Variants in DOP1B observed in about 807,000 individuals in gnomAD.
DOP1B encodes DOP1 leucine zipper like protein B, also known as protein DOP1B.
DOP1B carries 174 observed loss-of-function variants against 233.5 expected under a neutral mutation model. That is an observed-to-expected ratio of 0.75 (90% CI 0.66 to 0.85). The LOEUF is 0.85. Among genes scored for constraint, DOP1B ranks in the 40% least tolerant of loss-of-function variants. DOP1B has a pLI of 0.00. For synonymous variants in DOP1B, 1,190 were observed against 1,185.6 expected (o/e 1.00, Z -0.08); for missense variants, 2,652 against 2,846.6 (o/e 0.93, Z 1.56).
chr21:36,225,805 C>A, intron 12 of DOP1B, 138 bp downstream of exon 12: 1 of 902,978 alleles, frequency 1.1e-6, no homozygotes. Context: ...TTTGTTTTGG[C>A]ATAAAAGATA....
At chr21:36,167,176 CTTTTCT>C (rs2065919738) in intron 2 of DOP1B, among the ~76,000 whole-genome samples, 1 of 152,066 alleles carries the variant, frequency 6.6e-6, no homozygotes, top group South Asian at 2.1e-4. Flanking sequence ...CTTTTTCTTT[CTTTTCT>C]TTTTCTTTTT....
At chr21:36,176,687 G>A (rs915091155) in intron 2 of DOP1B, among the ~76,000 whole-genome samples, 4 of 152,132 alleles carry the variant, frequency 2.6e-5, no homozygotes, top group Admixed American at 6.5e-5. Flanking sequence ...CTGGCTTCAC[G>A]TTAAACTAGA....
intron 36 of DOP1B, 116 bp from the exon 37 acceptor site, chr21:36,293,204 T>G: frequency 9.4e-7 from 1 of 1,064,282 alleles, no homozygotes; most frequent in Non-Finnish European, 1.3e-6. Flanking sequence ...AGACTCTGTC[T>G]CAAAAAAAAA....
At chr21:36,285,460 G>C (rs564917959) in intron 32 of DOP1B, among the ~76,000 whole-genome samples, 1 of 152,208 alleles carries the variant, frequency 6.6e-6, no homozygotes, top group Non-Finnish European at 1.5e-5. Context: ...CTTTTGCCCT[G>C]TTTTCATTTT....
At position 36,246,573 on chromosome 21, in the gene DOP1B, A is replaced by C. The variant is rs752886819; in HGVS notation, c.4593A>C (p.Gly1531=). The C allele has an allele frequency of 3.1e-6, 5 of 1,614,130 alleles. No individual in the cohort carries two copies. The South Asian group carries it at 3.3e-5, about 11-fold the overall frequency. ...SLVTHSLPYF[G]KSLGWTVTPF... ...TCACGCATTCCTTGCCCTACTTCGG[A>C]AAGTCCCTGGGCTGGACGGTGACAC... Residue 1531 remains glycine (G), a synonymous_variant, in exon 19 of 37, where the codon GGA becomes GGC. Transcript: ENST00000691173. The surrounding 1 kb of genome is among the most constrained non-coding windows in gnomAD (Gnocchi z 5.1).
chr21:36,243,879 C>T (rs914945927), intron 18 of DOP1B, among the ~76,000 whole-genome samples: 5 of 151,884 alleles, frequency 3.3e-5, no homozygotes, highest in Non-Finnish European at 5.9e-5. Flanking sequence ...TTCCATGTTG[C>T]CCAGGCTGGT....
chr21:36,288,936 T>C, intron 34 of DOP1B, 109 bp from the exon 35 acceptor site: 1 of 1,476,416 alleles, frequency 6.8e-7, no homozygotes, highest in Non-Finnish European at 9.2e-7. Context: ...GGACCAGCTA[T>C]TCCAAAAATT....
rs77568739 is a variant in DOP1B, at chr21:36,204,559, C to T, written c.491+4058C>T. Among the ~76,000 whole-genome samples the T allele has an allele frequency of 8.0e-3, 1,224 of 152,222 alleles. 19 individuals carry two copies. Among genetic ancestry groups the T allele is most frequent in the African/African-American group, 0.027 (1,139 of 41,550 alleles). On this transcript the variant is annotated intron_variant, in intron 4 of 36. Coordinates refer to ENST00000691173, the MANE Select transcript of DOP1B (RefSeq NM_001320714.2). The stretch of plus-strand genomic sequence containing the variant: ...AGTACAGTGGCAGGATTATAGCTCA[C>T]TGCAGTCTCAACCTCCAAGGATAAA...
chr21:36,168,959 T>G lies in DOP1B; in HGVS notation c.138+4088T>G, dbSNP rs190179698. On this transcript the variant is annotated intron_variant, in intron 2 of 36. Coordinates refer to ENST00000691173, the MANE Select transcript of DOP1B (RefSeq NM_001320714.2). ...TTGAGACCCCACCAGGTGCAAAACC[T>G]GTTCCTGGCGTTAAGCTCCTTCTTC... 3.5e-3 allele frequency: 2,400 copies of G among 691,418 alleles called. 4 individuals are homozygous for G. The highest frequency in any genetic ancestry group is 5.5e-3 in the Non-Finnish European group (2,099 of 380,564). The allele number at this position is 691,418 out of a possible 1,614,324, so 42.8% of individuals were successfully genotyped here.
intron 2 of DOP1B, among the ~76,000 whole-genome samples, chr21:36,198,195 C>T (rs181147346): frequency 4.6e-4 from 69 of 151,532 alleles, no homozygotes; most frequent in African/African-American, 1.4e-3. Context: ...TTTGGGAGGC[C>T]GAGGCGGGTG....
Position 36,245,709 on chromosome 21 carries a change from C to T in DOP1B, c.3729C>T (p.Ala1243=). 1.2e-6 allele frequency: 2 copies of T among 1,613,888 alleles called. No individual in the cohort carries two copies. The highest frequency in any genetic ancestry group is 1.7e-6 in the Non-Finnish European group (2 of 1,180,012). ...ACGACTCTCGGCGGGTCCTCTATGC[C>T]TTCTCGGTGCTGGAGGCTGTGCTCA... ...QPYDSRRVLY[A]FSVLEAVLKT... Residue 1243 remains alanine, a synonymous_variant, in exon 19 of 37, where the codon GCC becomes GCT. Coordinates refer to ENST00000691173, the MANE Select transcript of DOP1B (RefSeq NM_001320714.2). This position sits in a 1 kb window ranked among gnomAD's most constrained non-coding sequence, Gnocchi z 5.5.
chr21:36,260,938 T>C, intron 24 of DOP1B: 1 of 1,374,260 alleles, frequency 7.3e-7, no homozygotes, highest in Non-Finnish European at 9.4e-7. Flanking sequence ...CTGTGCAGCG[T>C]ACTTTGAACA....
intron 1 of DOP1B, 106 bp from the exon 2 acceptor site, chr21:36,164,602 G>A (rs770266523): frequency 1.3e-5 from 11 of 834,774 alleles, no homozygotes; most frequent in Non-Finnish European, 1.9e-5. Flanking sequence ...CAGTGAGTTT[G>A]TGCACAGTTG....
intron 18 of DOP1B, among the ~76,000 whole-genome samples, chr21:36,242,945 C>G (rs1397179189): frequency 6.6e-6 from 1 of 150,866 alleles, no homozygotes; most frequent in Non-Finnish European, 1.5e-5. Flanking sequence ...TTTGATCATC[C>G]TAAAAACCTT....
In DOP1B at chr21:36,200,380, G is replaced by C. The variant is rs776751796; in HGVS notation, c.370G>C (p.Val124Leu). The change falls in exon 4 of 37, where the codon GTG (valine) becomes CTG (leucine). Residue 124 changes from valine to leucine, a missense_variant. Around this residue, in one of 3 missense-constraint regions of DOP1B, gnomAD observed 2,617 missense variants for 2,794.3 expected, o/e 0.94. Coordinates refer to ENST00000691173, the MANE Select transcript of DOP1B (RefSeq NM_001320714.2). ...LAHAAVSVRP[V>L]LLTLYEKYFL... ...ACACGCGGCGGTGTCGGTGAGGCCG[G>C]TGCTGCTCACCCTGTACGAGAAGTA... The C allele has an allele frequency of 1.7e-5, 28 of 1,613,190 alleles. No homozygotes were observed. Among genetic ancestry groups the C allele is most frequent in the Non-Finnish European group, 2.2e-5 (26 of 1,179,860 alleles).
chr21:36,245,695 C>A lies in DOP1B; in HGVS notation c.3715C>A (p.Arg1239=), dbSNP rs368837948. The A allele has an allele frequency of 6.2e-7, 1 of 1,613,734 alleles. No individual in the cohort carries two copies. The highest frequency in any genetic ancestry group is 1.7e-5 in the Admixed American group (1 of 60,014). Residue 1239 remains arginine, a synonymous_variant, in exon 19 of 37, where the codon CGG becomes AGG. Coordinates refer to ENST00000691173, the MANE Select transcript of DOP1B (RefSeq NM_001320714.2). This position sits in a 1 kb window ranked among gnomAD's most constrained non-coding sequence, Gnocchi z 5.5. ...LLYLQPYDSR[R]VLYAFSVLEA... is the part of the protein sequence containing the mutation. ...CTACCTGCAGCCCTACGACTCTCGG[C>A]GGGTCCTCTATGCCTTCTCGGTGCT...
At chr21:36,214,058 G>A (rs1162436130) in intron 7 of DOP1B, 23 bp from the exon 8 acceptor site, 2 of 1,563,208 alleles carry the variant, frequency 1.3e-6, no homozygotes, top group South Asian at 1.1e-5. Context: ...TCTCTTTACA[G>A]CTCGGCGCTT....
intron 7 of DOP1B, among the ~76,000 whole-genome samples, chr21:36,212,877 G>C (rs2066515945): frequency 6.6e-6 from 1 of 152,174 alleles, no homozygotes; most frequent in East Asian, 1.9e-4. Context: ...GGCCTCCCAA[G>C]TTGGAGTGGT....
chr21:36,208,180 G>A (rs567045861), intron 4 of DOP1B, among the ~76,000 whole-genome samples: 2 of 152,156 alleles, frequency 1.3e-5, no homozygotes, highest in Admixed American at 1.3e-4. Flanking sequence ...AGGGTCGTGG[G>A]AGGCCCCAGG....
Sources: gnomAD v4.1 joint callset for allele counts (sites outside exome capture counted in the v4.1 genomes callset) on GRCh38, gnomAD v4.1.1 for gene constraint, gnomAD v4.1.1 regional missense constraint, Gnocchi (gnomAD v3.1) non-coding constraint, MANE v1.5 for transcripts, NCBI Gene and HGNC (gene_info 2026-07-23, HGNC 2026-07-21) for gene names.